Variants in ADAMTS17 observed in about 807,000 individuals in gnomAD.
ADAMTS17 encodes A disintegrin and metalloproteinase with thrombospondin motifs 17.
ADAMTS17 carries 113 observed loss-of-function variants against 141.5 expected under a neutral mutation model. The ratio of observed to expected loss-of-function variants is 0.80; its 90% CI spans 0.69 to 0.93. ADAMTS17 has a LOEUF of 0.93. Ranked by LOEUF, ADAMTS17 falls within the 40% of genes least tolerant of loss-of-function variation. The probability of loss-of-function intolerance (pLI) is 0.00; values close to 1 mark genes in which losing one functional copy is unlikely to be tolerated. For missense variants in ADAMTS17, 1,659 were observed against 1,517.9 expected, an observed-to-expected ratio of 1.09 and a Z score of -1.54; for synonymous variants, 768 against 630.6, an observed-to-expected ratio of 1.22 and a Z score of -3.27.
intron 8 of ADAMTS17, among the ~76,000 whole-genome samples, chr15:100,186,786 G>C (rs574035173): frequency 3.7e-4 from 56 of 152,270 alleles, no homozygotes; most frequent in African/African-American, 1.3e-3. Flanking sequence ...ATCTCTGCAC[G>C]ATCCTTGGCT....
rs376981515 is a variant in ADAMTS17 at position 100,177,441 on chromosome 15, C to T, written c.1181+21877G>A. On this transcript the variant is annotated intron_variant, in intron 8 of 21. Transcript: ENST00000268070. Reference sequence around the variant, plus strand: ...ATGTGTTATTTAATTTTCAAGTGTTCGGAGATTTTCCTGTTGTCTTTTTGT... The same window carrying T: ...ATGTGTTATTTAATTTTCAAGTGTTTGGAGATTTTCCTGTTGTCTTTTTGT... Among the ~76,000 whole-genome samples, 72 of 152,106 alleles carry T rather than the reference C, an allele frequency of 4.7e-4. 3 individuals carry two copies. The South Asian group carries it at 0.014, about 29-fold the overall frequency.
At position 99,982,561 on chromosome 15, in the gene ADAMTS17, C is replaced by T. The variant is rs185022872; in HGVS notation, c.2950-6339G>A. Among the ~76,000 whole-genome samples the T allele has an allele frequency of 3.3e-4, 51 of 152,316 alleles. No homozygotes were observed. The East Asian group carries it at 8.1e-3, about 24-fold the overall frequency. On this transcript the variant is annotated intron_variant, in intron 20 of 21. Transcript: ENST00000268070. ...CCCTAAGGCTTCAACGTTAATTGAA[C>T]AGTGAGGAGACTGTAGTGTCTCCTG...
chr15:100,267,695 G>A (rs1419279415), intron 4 of ADAMTS17, among the ~76,000 whole-genome samples: 1 of 152,012 alleles, frequency 6.6e-6, no homozygotes, highest in Non-Finnish European at 1.5e-5. Flanking sequence ...CCCTTCTCTA[G>A]TAGTCCGCAG....
Position 100,185,375 on chromosome 15 carries a change from C to T in ADAMTS17, c.1181+13943G>A, listed in dbSNP as rs185649703. ...TGTTTTAAGTTTTGTCTTACTACAC[C>T]TGTGAACCCACAGTGTGCACTGCTC... On this transcript the variant is annotated intron_variant, in intron 8 of 21. Transcript: ENST00000268070. Among the ~76,000 whole-genome samples the T allele has an allele frequency of 6.3e-3, 954 of 151,974 alleles. 10 individuals carry two copies. The highest frequency in any genetic ancestry group is 0.022 in the African/African-American group (902 of 41,230).
At chr15:100,055,795 G>A (rs2032516350) in intron 15 of ADAMTS17, among the ~76,000 whole-genome samples, 1 of 152,142 alleles carries the variant, frequency 6.6e-6, no homozygotes, top group Non-Finnish European at 1.5e-5. Context: ...ATATTCTCTA[G>A]GTTGGCTCTT....
intron 7 of ADAMTS17, among the ~76,000 whole-genome samples, chr15:100,248,448 CG>C (rs1202595802): frequency 6.6e-6 from 1 of 152,140 alleles, no homozygotes. Context: ...GGAAGAGGAA[CG>C]CAAAGGGCAG....
At chr15:100,189,144 T>G (rs924518554) in intron 8 of ADAMTS17, among the ~76,000 whole-genome samples, 1 of 152,210 alleles carries the variant, frequency 6.6e-6, no homozygotes, top group South Asian at 2.1e-4. Flanking sequence ...AAGACTACAC[T>G]GTGAAGTGCA....
intron 15 of ADAMTS17, among the ~76,000 whole-genome samples, chr15:100,062,203 A>C (rs1246603085): frequency 6.6e-6 from 1 of 152,170 alleles, no homozygotes; most frequent in Non-Finnish European, 1.5e-5. Context: ...GGGCTGATGA[A>C]AATGCACATG....
intron 2 of ADAMTS17, among the ~76,000 whole-genome samples, chr15:100,340,524 G>C (rs1355602238): frequency 6.6e-6 from 1 of 152,186 alleles, no homozygotes; most frequent in South Asian, 2.1e-4. Flanking sequence ...GCCGTGGCCT[G>C]TCTGGGTACC....
intron 3 of ADAMTS17, among the ~76,000 whole-genome samples, chr15:100,295,606 C>T (rs963168486): frequency 6.6e-6 from 1 of 152,216 alleles, no homozygotes; most frequent in Non-Finnish European, 1.5e-5. Context: ...CAGCCCCCTC[C>T]TTCACGCTCT....
intron 6 of ADAMTS17, among the ~76,000 whole-genome samples, chr15:100,255,941 T>C (rs1374453604): frequency 6.6e-6 from 1 of 152,134 alleles, no homozygotes; most frequent in Non-Finnish European, 1.5e-5. Context: ...AAGAGGTGTG[T>C]TCAGCTCAGG....
chr15:100,063,211 T>C (rs956532436), intron 15 of ADAMTS17, among the ~76,000 whole-genome samples: 6 of 152,178 alleles, frequency 3.9e-5, no homozygotes, highest in Non-Finnish European at 8.8e-5. Context: ...CTTAGTGAAA[T>C]TGGTATCCTT....
At chr15:100,002,257 G>T (rs984458798) in intron 18 of ADAMTS17, among the ~76,000 whole-genome samples, 1 of 151,934 alleles carries the variant, frequency 6.6e-6, no homozygotes, top group Non-Finnish European at 1.5e-5. Context: ...GACCTGTTTG[G>T]CGCTATTGTG....
At chr15:100,259,043 A>G (rs2141985132) in intron 6 of ADAMTS17, among the ~76,000 whole-genome samples, 1 of 152,322 alleles carries the variant, frequency 6.6e-6, no homozygotes, top group South Asian at 2.1e-4. Flanking sequence ...AACTTTTTCC[A>G]ATGTAGGGAA....
At chr15:100,090,004 A>C (rs1026448969) in intron 15 of ADAMTS17, among the ~76,000 whole-genome samples, 21 of 152,000 alleles carry the variant, frequency 1.4e-4, no homozygotes, top group African/African-American at 3.1e-4. Flanking sequence ...AAAAAAAAAA[A>C]AACAAAATAA....
intron 15 of ADAMTS17, among the ~76,000 whole-genome samples, chr15:100,072,728 C>T (rs1328601637): frequency 6.6e-6 from 1 of 152,042 alleles, no homozygotes; most frequent in African/African-American, 2.4e-5. Flanking sequence ...AACTGGATCC[C>T]CTCCTTACAC....
chr15:100,085,720 G>C (rs28831076), intron 15 of ADAMTS17, among the ~76,000 whole-genome samples: 44,857 of 145,266 alleles, frequency 0.31, 9,171 homozygotes, highest in East Asian at 0.56. Context: ...GAATTTTCAA[G>C]CCAGAATTTC....
chr15:99,998,490 G>A (rs1169000795), intron 18 of ADAMTS17, among the ~76,000 whole-genome samples: 1 of 152,204 alleles, frequency 6.6e-6, no homozygotes, highest in African/African-American at 2.4e-5. Context: ...TGTAGTCCCA[G>A]CTACTCAGGA....
intron 3 of ADAMTS17, among the ~76,000 whole-genome samples, chr15:100,319,053 A>C (rs905221532): frequency 2.0e-5 from 3 of 152,246 alleles, no homozygotes; most frequent in African/African-American, 7.2e-5. Flanking sequence ...TGACATGTGC[A>C]CTTGTGGAAG....
Sources: allele counts gnomAD v4.1 joint callset (sites outside exome capture counted in the v4.1 genomes callset), GRCh38; gene constraint gnomAD v4.1.1; transcripts MANE v1.5; gene names NCBI Gene and HGNC (gene_info 2026-07-23, HGNC 2026-07-21).